UNC5C: variants seen among roughly 807,000 people sequenced by gnomAD.
The protein encoded by UNC5C is netrin receptor UNC5C.
In UNC5C, 47 loss-of-function variants were observed where a neutral mutation model predicts 99.8. The observed-to-expected ratio is 0.47, with a 90% confidence interval of 0.37 to 0.60. The LOEUF (loss-of-function observed/expected upper bound fraction) is 0.60. Ranked by LOEUF, UNC5C falls within the 20% of genes least tolerant of loss-of-function variation. The pLI, the probability that UNC5C is intolerant of heterozygous loss-of-function variation, is 0.00. For synonymous variants in UNC5C, 487 were observed against 452.2 expected (o/e 1.08, Z -0.98); for missense variants, 1,062 against 1,165.9 (o/e 0.91, Z 1.30).
intron 1 of UNC5C, among the ~76,000 whole-genome samples, chr4:95,530,406 C>T (rs1722611911): frequency 6.6e-6 from 1 of 152,150 alleles, no homozygotes. Context: ...AAAGTTCATT[C>T]ACTCCCACAA....
At chr4:95,267,231 A>G (rs938216870) in intron 4 of UNC5C, among the ~76,000 whole-genome samples, 1 of 152,212 alleles carries the variant, frequency 6.6e-6, no homozygotes, top group African/African-American at 2.4e-5. Flanking sequence ...CATTCTTCAC[A>G]ATGCCCTGGG....
chr4:95,534,669 T>C (rs1722731321), intron 1 of UNC5C, among the ~76,000 whole-genome samples: 1 of 152,150 alleles, frequency 6.6e-6, no homozygotes, highest in South Asian at 2.1e-4. Flanking sequence ...TATATGCTTG[T>C]TAGAAACTAT....
At chr4:95,234,395 AC>A (rs1739026790) in intron 7 of UNC5C, among the ~76,000 whole-genome samples, 1 of 137,706 alleles carries the variant, frequency 7.3e-6, no homozygotes, top group Non-Finnish European at 1.6e-5. Context: ...TTTTTATTAT[AC>A]TTTAAGTTTT....
At chr4:95,454,233 T>G (rs993165294) in intron 1 of UNC5C, among the ~76,000 whole-genome samples, 1 of 151,996 alleles carries the variant, frequency 6.6e-6, no homozygotes, top group Non-Finnish European at 1.5e-5. Context: ...ATAGGCATTC[T>G]GACATGTCGC....
chr4:95,449,814 T>C (rs1747230724), intron 1 of UNC5C, among the ~76,000 whole-genome samples: 1 of 152,220 alleles, frequency 6.6e-6, no homozygotes. Flanking sequence ...AATAAAGTCA[T>C]TTAAGTTTTA....
intron 2 of UNC5C, among the ~76,000 whole-genome samples, chr4:95,309,623 C>T (rs1423431929): frequency 6.6e-6 from 1 of 151,994 alleles, no homozygotes; most frequent in African/African-American, 2.4e-5. Flanking sequence ...GGCAGAGGAT[C>T]CCAAAAGACA....
rs369865915 is a variant in UNC5C, at chr4:95,346,546, A to G, written c.125-10915T>C. On this transcript the variant is annotated intron_variant, in intron 1 of 15. Coordinates refer to ENST00000453304, the MANE Select transcript of UNC5C (RefSeq NM_003728.4). ...CAAAAATCATCAACAAACTAGTAGC[A>G]AACTGAATTTAACAACACATTAAAA... Among the ~76,000 whole-genome samples the G allele has an allele frequency of 6.6e-5, 10 of 152,158 alleles. No homozygotes were observed. The East Asian group carries it at 1.9e-3, about 29-fold the overall frequency.
At chr4:95,179,352 A>G (rs541332279) in intron 14 of UNC5C, among the ~76,000 whole-genome samples, 2 of 152,252 alleles carry the variant, frequency 1.3e-5, no homozygotes, top group African/African-American at 4.8e-5. Flanking sequence ...TTATTTGTGT[A>G]TACAGAAGTG....
intron 14 of UNC5C, among the ~76,000 whole-genome samples, chr4:95,174,284 C>T (rs1170206989): frequency 6.6e-6 from 1 of 151,784 alleles, no homozygotes; most frequent in Non-Finnish European, 1.5e-5. Flanking sequence ...CTTCTGCTAG[C>T]TTTTGAATGT....
intron 1 of UNC5C, among the ~76,000 whole-genome samples, chr4:95,373,332 C>T (rs368618448): frequency 3.3e-5 from 5 of 152,128 alleles, no homozygotes; most frequent in East Asian, 1.9e-4. Context: ...TTTTCTCCCT[C>T]CCATAATCTG....
intron 7 of UNC5C, among the ~76,000 whole-genome samples, chr4:95,221,869 T>C (rs748027970): frequency 6.6e-6 from 1 of 152,200 alleles, no homozygotes; most frequent in Admixed American, 6.5e-5. Flanking sequence ...TTATTCAACA[T>C]TCATGATTTC....
At chr4:95,535,399 C>A (rs17386091) in intron 1 of UNC5C, among the ~76,000 whole-genome samples, 1 of 151,908 alleles carries the variant, frequency 6.6e-6, no homozygotes, top group Non-Finnish European at 1.5e-5. Context: ...TTCATAGTAA[C>A]GTCAAGTGAA....
intron 1 of UNC5C, among the ~76,000 whole-genome samples, chr4:95,392,444 T>TAAAAAA (rs1169560884): frequency 1.4e-5 from 2 of 147,398 alleles, no homozygotes; most frequent in East Asian, 2.0e-4. Flanking sequence ...TTTTTTTTTT[T>TAAAAAA]AAAAAAAAAA....
intron 1 of UNC5C, among the ~76,000 whole-genome samples, chr4:95,487,876 C>G (rs916032512): frequency 2.6e-5 from 4 of 151,718 alleles, no homozygotes; most frequent in African/African-American, 9.7e-5. Flanking sequence ...CATTCCTTAT[C>G]GATTAACTCC....
intron 1 of UNC5C, among the ~76,000 whole-genome samples, chr4:95,347,341 C>A (rs978778157): frequency 1.3e-5 from 2 of 151,856 alleles, no homozygotes; most frequent in African/African-American, 2.4e-5. Context: ...CTACCCAAAG[C>A]AATCTAGATT....
intron 1 of UNC5C, among the ~76,000 whole-genome samples, chr4:95,388,832 A>T (rs1271205491): frequency 2.0e-5 from 3 of 152,216 alleles, no homozygotes; most frequent in Non-Finnish European, 4.4e-5. Context: ...TTCTGACTCC[A>T]GAATCATGCT....
chr4:95,548,088 T>C (rs1423894480), intron 1 of UNC5C, among the ~76,000 whole-genome samples: 2 of 152,124 alleles, frequency 1.3e-5, no homozygotes, highest in Non-Finnish European at 2.9e-5. Flanking sequence ...GCGGGGTATG[T>C]ATGAGTGCAG....
chr4:95,315,139 C>G (rs1296137141), intron 2 of UNC5C, among the ~76,000 whole-genome samples: 1 of 151,850 alleles, frequency 6.6e-6, no homozygotes. Flanking sequence ...GTATTTTTTT[C>G]ATTCATTTAT....
chr4:95,349,828 G>T (rs893434178), intron 1 of UNC5C, among the ~76,000 whole-genome samples: 2 of 151,764 alleles, frequency 1.3e-5, no homozygotes, highest in African/African-American at 2.4e-5. Context: ...ATGCCCTAAC[G>T]TCCTCATGTC....
Sources: gnomAD v4.1 joint callset for allele counts (sites outside exome capture counted in the v4.1 genomes callset) on GRCh38, gnomAD v4.1.1 for gene constraint, MANE v1.5 for transcripts, NCBI Gene and HGNC (gene_info 2026-07-23, HGNC 2026-07-21) for gene names.